The following CRYZL1 variants were observed in gnomAD, a reference collection of about 807,000 sequenced individuals.
CRYZL1 encodes crystallin zeta like 1.
Under a neutral mutation model 50.6 loss-of-function variants are expected in CRYZL1, and 34 were observed. The ratio of observed to expected loss-of-function variants is 0.67; its 90% CI spans 0.51 to 0.89. The LOEUF (loss-of-function observed/expected upper bound fraction) is 0.89, where lower values mean the gene tolerates loss of function less well. Among genes scored for constraint, CRYZL1 ranks in the 40% least tolerant of loss-of-function variants. The pLI is 0.00. For missense variants in CRYZL1, 354 were observed against 402.3 expected (o/e 0.88, Z 1.03); for synonymous variants, 125 against 134.3 (o/e 0.93, Z 0.48).
At chr21:33,627,801 G>A (rs1311169876) in intron 2 of CRYZL1, among the ~76,000 whole-genome samples, 1 of 138,364 alleles carries the variant, frequency 7.2e-6, no homozygotes, top group Non-Finnish European at 1.5e-5. Flanking sequence ...CTGGAGTGCA[G>A]TGGCGTGATC....
intron 10 of CRYZL1, 59 bp from the exon 11 acceptor site, chr21:33,595,895 G>C: frequency 1.8e-6 from 2 of 1,123,780 alleles, no homozygotes; most frequent in Non-Finnish European, 2.7e-6. Flanking sequence ...CAGGATGACT[G>C]GTATCTCGAG....
chr21:33,599,362 G>T, intron 8 of CRYZL1, 114 bp from the exon 9 acceptor site: 5 of 1,382,592 alleles, frequency 3.6e-6, no homozygotes, highest in South Asian at 1.2e-5. Flanking sequence ...AATGAGTTAA[G>T]CAATTCAAAC....
At chr21:33,621,920 C>A in intron 4 of CRYZL1, 76 bp downstream of exon 4, 1 of 878,170 alleles carries the variant, frequency 1.1e-6, no homozygotes, top group Admixed American at 2.4e-5. Context: ...ATTTTATGTA[C>A]CAGTAAACCA....
chr21:33,621,549 G>T (rs1013135763), intron 4 of CRYZL1, among the ~76,000 whole-genome samples: 6 of 151,676 alleles, frequency 4.0e-5, no homozygotes, highest in Non-Finnish European at 5.9e-5. Context: ...CACCGTGTTA[G>T]CCAGGATGGT....
intron 1 of CRYZL1, among the ~76,000 whole-genome samples, chr21:33,637,207 AG>A (rs1426884935): frequency 6.6e-6 from 1 of 152,102 alleles, no homozygotes; most frequent in Non-Finnish European, 1.5e-5. Flanking sequence ...GCATTTTTGG[AG>A]GCCGAGGCGG....
intron 6 of CRYZL1, among the ~76,000 whole-genome samples, chr21:33,605,707 A>G (rs1161184458): frequency 1.3e-5 from 2 of 150,858 alleles, no homozygotes; most frequent in Non-Finnish European, 3.0e-5. Context: ...TTTTTTTAGT[A>G]GAGACGGGGT....
chr21:33,622,814 C>A (rs964408725), intron 3 of CRYZL1, among the ~76,000 whole-genome samples: 3 of 152,016 alleles, frequency 2.0e-5, no homozygotes, highest in African/African-American at 7.2e-5. Flanking sequence ...GAAATTAATT[C>A]TCTTCTATAT....
At chr21:33,604,675 C>G (rs933937540) in intron 6 of CRYZL1, among the ~76,000 whole-genome samples, 5 of 152,076 alleles carry the variant, frequency 3.3e-5, no homozygotes, top group African/African-American at 1.2e-4. Flanking sequence ...GCTGTTAGAG[C>G]ACTTTCATTC....
chr21:33,593,452 C>T (rs2086663068), intron 11 of CRYZL1, among the ~76,000 whole-genome samples: 2 of 152,134 alleles, frequency 1.3e-5, no homozygotes, highest in African/African-American at 4.8e-5. Context: ...TTTACTAATT[C>T]ACATCCCTGC....
At chr21:33,628,034 C>T (rs951620903) in intron 2 of CRYZL1, among the ~76,000 whole-genome samples, 2 of 152,104 alleles carry the variant, frequency 1.3e-5, no homozygotes, top group African/African-American at 2.4e-5. Flanking sequence ...CGTAAGCCAC[C>T]GCACCTGGCC....
intron 4 of CRYZL1, chr21:33,616,958 TG>T: frequency 2.8e-6 from 1 of 363,536 alleles, no homozygotes; most frequent in South Asian, 6.1e-5. Context: ...TCTAGATATT[TG>T]GGCCATGCGA....
intron 7 of CRYZL1, 95 bp from the exon 8 acceptor site, chr21:33,602,440 T>C: frequency 2.0e-6 from 1 of 494,862 alleles, no homozygotes. Flanking sequence ...TATAATTCTT[T>C]AGTGTTACTT....
At chr21:33,605,503 A>ATGTAATT (rs1569085193) in intron 6 of CRYZL1, among the ~76,000 whole-genome samples, 1 of 114,366 alleles carries the variant, frequency 8.7e-6, no homozygotes. Context: ...TTGTACACTG[A>ATGTAATT]TGTAATTTTT....
chr21:33,595,138 C>T, intron 11 of CRYZL1: 2 of 1,047,140 alleles, frequency 1.9e-6, no homozygotes, highest in South Asian at 2.9e-5. Context: ...TTGTATATTC[C>T]AAACTTTTTA....
intron 3 of CRYZL1, among the ~76,000 whole-genome samples, chr21:33,623,116 C>A (rs1302072652): frequency 6.6e-6 from 1 of 151,930 alleles, no homozygotes; most frequent in Non-Finnish European, 1.5e-5. Context: ...CAGGCACGTG[C>A]CACCATGCCC....
intron 2 of CRYZL1, 54 bp downstream of exon 2, chr21:33,631,432 T>G: frequency 7.7e-7 from 1 of 1,303,014 alleles, no homozygotes; most frequent in Non-Finnish European, 1.0e-6. Flanking sequence ...AAAAGTGGGT[T>G]TATTGCAGAT....
intron 1 of CRYZL1, chr21:33,641,172 T>C (rs2087313340): frequency 6.5e-7 from 1 of 1,550,302 alleles, no homozygotes; most frequent in African/African-American, 1.4e-5. Flanking sequence ...CCCAAGGCGA[T>C]GCTTACATCT....
chr21:33,591,571 G>T, intron 11 of CRYZL1: 2 of 257,026 alleles, frequency 7.8e-6, no homozygotes, highest in South Asian at 1.4e-4. Context: ...ATTTTAGCAC[G>T]TATATATCTT....
At chr21:33,595,644 T>G in intron 11 of CRYZL1, 87 bp downstream of exon 11, 1 of 1,566,200 alleles carries the variant, frequency 6.4e-7, no homozygotes, top group South Asian at 1.2e-5. Flanking sequence ...ACTTAACTGC[T>G]ATTATTATTT....
Sources: gnomAD v4.1 joint callset for allele counts (sites outside exome capture counted in the v4.1 genomes callset) on GRCh38, gnomAD v4.1.1 for gene constraint, MANE v1.5 for transcripts, NCBI Gene and HGNC (gene_info 2026-07-23, HGNC 2026-07-21) for gene names.